Variants in ZNF518B observed in about 807,000 individuals in gnomAD.
ZNF518B encodes zinc finger protein 518B.
Under a neutral mutation model 56.3 loss-of-function variants are expected in ZNF518B, and 23 were observed. The ratio of observed to expected loss-of-function variants is 0.41; its 90% CI spans 0.29 to 0.58. The LOEUF is 0.58. Among genes scored for constraint, ZNF518B ranks in the 20% least tolerant of loss-of-function variants. The pLI is 0.32. For synonymous variants in ZNF518B, 529 were observed against 465.9 expected (o/e 1.14, Z -1.74); for missense variants, 1,460 against 1,272.1 (o/e 1.15, Z -2.25).
upstream of ZNF518B, chr4:10,457,479 C>T (rs1414006471): frequency 6.6e-6 from 1 of 152,180 alleles, no homozygotes; most frequent in African/African-American, 2.4e-5. Flanking sequence ...TCCAGCGAGG[C>T]CGGCGCCTGA....
At chr4:10,449,435 G>A (rs1293754005) in intron 2 of ZNF518B, among the ~76,000 whole-genome samples, 2 of 151,960 alleles carry the variant, frequency 1.3e-5, no homozygotes, top group African/African-American at 2.4e-5. Flanking sequence ...GTTTAATATC[G>A]CCATAAACAA....
Position 10,445,160 on chromosome 4 carries a change from C to A in ZNF518B, c.1169G>T (p.Gly390Val). Residue 390 changes from glycine (G) to valine (V), a missense_variant, in exon 3 of 3, where the codon GGT becomes GTT. Physicochemically the swap from Gly to Val is moderately radical, Grantham distance 109 (BLOSUM62 -3). Coordinates refer to ENST00000326756, the MANE Select transcript of ZNF518B (RefSeq NM_053042.3). ...AAGTACTTTTTCTTGTTCATTTGAA[C>A]CCTTCTCTTTCACCATACGTTCAGA... Reference protein sequence around the residue: ...GNSERMVKEKGSNEQEKVLSA... With the variant: ...GNSERMVKEKVSNEQEKVLSA... 1 of 1,614,200 alleles carries A rather than the reference C, an allele frequency of 6.2e-7. No homozygotes were observed. Among genetic ancestry groups the A allele is most frequent in the Non-Finnish European group, 8.5e-7 (1 of 1,180,026 alleles).
intron 2 of ZNF518B, among the ~76,000 whole-genome samples, chr4:10,448,864 T>G (rs930749055): frequency 4.6e-5 from 7 of 152,268 alleles, no homozygotes; most frequent in Admixed American, 6.5e-5. Flanking sequence ...CACTTAAATT[T>G]CCAAATTTGC....
Position 10,445,320 on chromosome 4 carries a change from G to C in ZNF518B, c.1009C>G (p.Leu337Val). Residue 337 changes from leucine to valine, a missense_variant, in exon 3 of 3, where the codon CTA becomes GTA. By Grantham distance (32) the Leu-to-Val change is conservative. Transcript: ENST00000326756. ...GCTAAACAGTTTGCAGGGACAACTA[G>C]TTCTGCTGGTGCAACAACTGTCAAT... ...MPLTVVAPAE[L>V]VVPANCLAQL... The C allele has an allele frequency of 6.2e-7, 1 of 1,614,238 alleles. No individual in the cohort carries two copies. The highest frequency in any genetic ancestry group is 8.5e-7 in the Non-Finnish European group (1 of 1,180,044).
At position 10,440,288 on chromosome 4, in the gene ZNF518B, G is replaced by GT. The variant is rs34932543; in HGVS notation, c.*2815dup. 0.32 allele frequency: 48,597 copies of GT among 149,822 alleles called. 7,821 individuals are homozygous for GT. Among genetic ancestry groups the GT allele is most frequent in the South Asian group, 0.4 (1,916 of 4,740 alleles). The allele number at this position is 149,822 out of a possible 1,614,324, so 9.3% of individuals were successfully genotyped here. On this transcript the variant is annotated 3_prime_UTR_variant, in exon 3 of 3. Coordinates refer to ENST00000326756, the MANE Select transcript of ZNF518B (RefSeq NM_053042.3). ...TCTATCAGAGTATACTTTGGGTCAG[G>GT]TTTTTTTTTTTTAACTTTTACTGTA... is the stretch of plus-strand genomic sequence containing the variant.
chr4:10,452,596 A>C (rs1715367501), intron 2 of ZNF518B: 1 of 152,182 alleles, frequency 6.6e-6, no homozygotes, highest in African/African-American at 2.4e-5. Flanking sequence ...AAGACCATTA[A>C]TATGAATGTG....
At chr4:10,452,965 G>A (rs1715383042) in intron 2 of ZNF518B, 1 of 152,224 alleles carries the variant, frequency 6.6e-6, no homozygotes, top group Non-Finnish European at 1.5e-5. Context: ...GAGACAGCCT[G>A]ATTCCTCTGC....
Position 10,443,900 on chromosome 4 carries a change from G to A in ZNF518B, c.2429C>T (p.Pro810Leu). 6.2e-7 allele frequency: 1 copy of A among 1,614,148 alleles called. No individual in the cohort carries two copies. The highest frequency in any genetic ancestry group is 1.1e-5 in the South Asian group (1 of 91,084). The change falls in exon 3 of 3, where the codon CCA becomes CTA. Residue 810 changes from proline to leucine, a missense_variant. Transcript: ENST00000326756. ...IPCSERQLIK[P>L]VPFCPVRQAD... ...CTGTCTCACAGGGCAAAATGGAACT[G>A]GTTTTATTAACTGTCTTTCACTGCA...
In ZNF518B at chr4:10,443,258, A is replaced by G; in HGVS notation, c.3071T>C (p.Val1024Ala). 1 of 1,614,174 alleles carries G rather than the reference A, an allele frequency of 6.2e-7. No homozygotes were observed. Among genetic ancestry groups the G allele is most frequent in the Non-Finnish European group, 8.5e-7 (1 of 1,180,010 alleles). ...KKVHKNNYQV[V>A]DSLPDDSSQC... ...TGAAGAATCATCAGGCAAGGAATCC[A>G]CTACCTGGTAGTTGTTTTTATGAAC... Residue 1024 changes from valine (V) to alanine (A), a missense_variant, in exon 3 of 3, where the codon GTG (valine) becomes GCG (alanine). Transcript: ENST00000326756.
intron 2 of ZNF518B, among the ~76,000 whole-genome samples, chr4:10,449,369 TTC>T (rs1233449042): frequency 1.3e-5 from 2 of 152,190 alleles, no homozygotes; most frequent in African/African-American, 2.4e-5. Flanking sequence ...TGGCTGAAGC[TTC>T]TGAGAATATT....
At chr4:10,457,228 C>T (rs1459614446) in intron 1 of ZNF518B, 89 bp downstream of exon 1, 20 of 150,608 alleles carry the variant, frequency 1.3e-4, no homozygotes. Context: ...GGCCCCCGCC[C>T]CGCGCGCCCC....
At chr4:10,458,924 G>T (rs1715656193), upstream of ZNF518B, among the ~76,000 whole-genome samples, 1 of 152,088 alleles carries the variant, frequency 6.6e-6, no homozygotes, top group Non-Finnish European at 1.5e-5. Flanking sequence ...ATAAGGAGAG[G>T]CAACTCTCCT....
chr4:10,455,768 CAA>C (rs1363309087), intron 1 of ZNF518B, among the ~76,000 whole-genome samples: 1 of 151,942 alleles, frequency 6.6e-6, no homozygotes, highest in Non-Finnish European at 1.5e-5. Flanking sequence ...ACTGTCTACG[CAA>C]AAAAGTGTTA....
intron 2 of ZNF518B, among the ~76,000 whole-genome samples, chr4:10,446,792 A>G (rs1253914807): frequency 1.3e-5 from 2 of 152,230 alleles, no homozygotes; most frequent in Non-Finnish European, 2.9e-5. Context: ...AGGAACAAGG[A>G]CATCATAGCA....
At chr4:10,461,044 C>T (rs1005365283), upstream of ZNF518B, among the ~76,000 whole-genome samples, 1 of 152,228 alleles carries the variant, frequency 6.6e-6, no homozygotes, top group Non-Finnish European at 1.5e-5. Context: ...CCCCGGTTCT[C>T]AAGCTTACCT....
chr4:10,444,822 T>C lies in ZNF518B; in HGVS notation c.1507A>G (p.Asn503Asp), dbSNP rs750818371. The C allele has an allele frequency of 6.2e-7, 1 of 1,614,080 alleles. No homozygotes were observed. The highest frequency in any genetic ancestry group is 1.1e-5 in the South Asian group (1 of 91,080). ...ACAGCAGCTTTATATGGAAAAGGGTTTGATGCAGCTCCAAGACTACGTAAA... is the reference window on the plus strand; with the variant it reads ...ACAGCAGCTTTATATGGAAAAGGGTCTGATGCAGCTCCAAGACTACGTAAA... ...SVLRSLGAAS[N>D]PFPYKAAVCF... The change falls in exon 3 of 3, where the codon AAC (asparagine) becomes GAC (aspartate). Residue 503 changes from asparagine (N) to aspartate (D), a missense_variant. Coordinates refer to ENST00000326756, the MANE Select transcript of ZNF518B (RefSeq NM_053042.3).
Position 10,444,825 on chromosome 4 carries a change from A to T in ZNF518B, c.1504T>A (p.Ser502Thr). The T allele has an allele frequency of 6.2e-7, 1 of 1,614,104 alleles. No homozygotes were observed. Residue 502 changes from serine to threonine, a missense_variant, in exon 3 of 3, where the codon TCA becomes ACA. Transcript: ENST00000326756. ...GCAGCTTTATATGGAAAAGGGTTTGATGCAGCTCCAAGACTACGTAAAACA... is the reference window on the plus strand; with the variant it reads ...GCAGCTTTATATGGAAAAGGGTTTGTTGCAGCTCCAAGACTACGTAAAACA... ...NSVLRSLGAASNPFPYKAAVC... is the reference protein window; with the variant it reads ...NSVLRSLGAATNPFPYKAAVC...
At chr4:10,459,520 C>G (rs557526530), upstream of ZNF518B, among the ~76,000 whole-genome samples, 5 of 152,282 alleles carry the variant, frequency 3.3e-5, no homozygotes, top group African/African-American at 1.2e-4. Context: ...CCCCCACCCC[C>G]AACTTATGGA....
chr4:10,445,441 G>A lies in ZNF518B; in HGVS notation c.888C>T (p.Thr296=). ...GGTTGACTTCATTTGGCTCAGACAG[G>A]GTCATTTTATTTGGAATACAAACTA... ...KDVVCIPNKM[T]LSEPNEVNLF... Residue 296 remains threonine, a synonymous_variant, in exon 3 of 3, where the codon ACC becomes ACT. Transcript: ENST00000326756. 1.2e-6 allele frequency: 2 copies of A among 1,614,132 alleles called. No individual in the cohort carries two copies. Among genetic ancestry groups the A allele is most frequent in the Non-Finnish European group, 1.7e-6 (2 of 1,180,018 alleles).
Sources: gnomAD v4.1 joint callset for allele counts (sites outside exome capture counted in the v4.1 genomes callset) on GRCh38, gnomAD v4.1.1 for gene constraint, MANE v1.5 for transcripts, NCBI Gene and HGNC (gene_info 2026-07-23, HGNC 2026-07-21) for gene names.